PCDH11Y: variants seen among roughly 807,000 people sequenced by gnomAD.
The protein encoded by PCDH11Y is protocadherin-11 Y-linked.
For missense variants in PCDH11Y, 12 were observed against 224.8 expected, an observed-to-expected ratio of 0.05 and a Z score of 6.05; for synonymous variants, 9 against 83.6, an observed-to-expected ratio of 0.11 and a Z score of 4.87.
At chrY:5,160,050 T>TATAAA (rs2052873276) in intron 2 of PCDH11Y, among the ~76,000 whole-genome samples, 1 of 25,402 alleles carries the variant, frequency 3.9e-5, no homozygotes, top group Non-Finnish European at 8.9e-5. Flanking sequence ...TATAATATAA[T>TATAAA]ATAATATAAT....
intron 2 of PCDH11Y, among the ~76,000 whole-genome samples, chrY:5,286,246 C>T: frequency 3.1e-5 from 1 of 32,449 alleles, no homozygotes; most frequent in African/African-American, 1.2e-4. Context: ...TTTTTGATGC[C>T]AGTACCATGA....
intron 1 of PCDH11Y, among the ~76,000 whole-genome samples, chrY:5,073,882 T>A (rs2124631086): frequency 3.2e-5 from 1 of 31,683 alleles, no homozygotes; most frequent in South Asian, 7.1e-4. Flanking sequence ...TGCACAAATG[T>A]TATTAGTTTC....
intron 3 of PCDH11Y, among the ~76,000 whole-genome samples, chrY:5,529,071 T>C: frequency 3.0e-5 from 1 of 33,466 alleles, no homozygotes; most frequent in East Asian, 7.7e-4. Flanking sequence ...TCTTTGAAGA[T>C]TTATATTATT....
intron 4 of PCDH11Y, among the ~76,000 whole-genome samples, chrY:5,694,997 G>A (rs1416610921): frequency 0.071 from 2,180 of 30,851 alleles, no homozygotes; most frequent in Non-Finnish European, 0.11. Flanking sequence ...ACATATTGAA[G>A]CTTGTGACTC....
chrY:5,509,631 A>G, intron 3 of PCDH11Y, among the ~76,000 whole-genome samples: 1 of 23,314 alleles, frequency 4.3e-5, no homozygotes, highest in South Asian at 1.1e-3. Flanking sequence ...CTCTTCCTCT[A>G]TATGAAATTC....
At chrY:5,244,174 G>A (rs2052992553) in intron 2 of PCDH11Y, among the ~76,000 whole-genome samples, 1 of 33,506 alleles carries the variant, frequency 3.0e-5, no homozygotes, top group East Asian at 8.1e-4. Flanking sequence ...ATAACTTTCA[G>A]GTAAATAATG....
At chrY:5,253,575 T>G (rs2053006537) in intron 2 of PCDH11Y, among the ~76,000 whole-genome samples, 1 of 31,102 alleles carries the variant, frequency 3.2e-5, no homozygotes, top group Non-Finnish European at 7.8e-5. Flanking sequence ...TCTTGTCTTT[T>G]TGTTGGGCCA....
chrY:5,237,625 C>A (rs13304580), intron 2 of PCDH11Y, among the ~76,000 whole-genome samples: 1 of 32,101 alleles, frequency 3.1e-5, no homozygotes, highest in African/African-American at 1.2e-4. Flanking sequence ...AAAGAGGAAG[C>A]CAAATTGTCC....
intron 2 of PCDH11Y, among the ~76,000 whole-genome samples, chrY:5,440,737 CTA>C (rs1270510256): frequency 2.7e-3 from 26 of 9,559 alleles, no homozygotes; most frequent in Non-Finnish European, 3.3e-3. Flanking sequence ...TTTTAATAAA[CTA>C]TATATATATA....
At chrY:5,311,935 C>T in intron 2 of PCDH11Y, among the ~76,000 whole-genome samples, 3 of 28,450 alleles carry the variant, frequency 1.1e-4, no homozygotes, top group Non-Finnish European at 2.5e-4. Flanking sequence ...CTAAGGTGAT[C>T]GTGCCTTGGC....
intron 2 of PCDH11Y, among the ~76,000 whole-genome samples, chrY:5,123,735 C>T (rs2052821802): frequency 3.1e-5 from 1 of 32,652 alleles, no homozygotes; most frequent in Non-Finnish European, 7.5e-5. Flanking sequence ...TAATATTAGA[C>T]ATTTTACTCT....
chrY:5,004,715 C>T, intron 1 of PCDH11Y, among the ~76,000 whole-genome samples: 1 of 33,906 alleles, frequency 2.9e-5, no homozygotes, highest in African/African-American at 1.2e-4. Flanking sequence ...AAGAATCTTG[C>T]TTCACATAAT....
exon 1 of PCDH11Y, chrY:5,056,292 C>T: frequency 2.5e-5 from 2 of 78,918 alleles, no homozygotes; most frequent in African/African-American, 2.2e-4. Context: ...CATGTTTAGG[C>T]GTTAGTCACA....
intron 4 of PCDH11Y, among the ~76,000 whole-genome samples, chrY:5,622,137 A>T: frequency 3.3e-5 from 1 of 30,058 alleles, no homozygotes; most frequent in Non-Finnish European, 7.9e-5. Context: ...AGAAAGGGAG[A>T]AAATTTCTTA....
At chrY:5,107,109 C>A, downstream of PCDH11Y, among the ~76,000 whole-genome samples, 1 of 32,876 alleles carries the variant, frequency 3.0e-5, no homozygotes, top group Admixed American at 2.8e-4. Context: ...TTTCAGTGAA[C>A]CTTTCCTTCA....
intron 2 of PCDH11Y, among the ~76,000 whole-genome samples, chrY:5,407,776 G>A (rs2124677800): frequency 6.4e-5 from 2 of 31,242 alleles, no homozygotes; most frequent in Admixed American, 2.9e-4. Context: ...ATTAGCTGGC[G>A]TGGTGGCGGG....
intron 3 of PCDH11Y, among the ~76,000 whole-genome samples, chrY:5,033,758 A>T: frequency 3.1e-5 from 1 of 31,752 alleles, no homozygotes; most frequent in African/African-American, 1.2e-4. Context: ...AACTTTTTAC[A>T]TGATTCTTTT....
intron 2 of PCDH11Y, among the ~76,000 whole-genome samples, chrY:5,296,630 C>A: frequency 3.1e-5 from 1 of 32,261 alleles, no homozygotes; most frequent in Non-Finnish European, 7.6e-5. Context: ...GCAGAGGAGC[C>A]TCTCCCTGTG....
chrY:5,447,620 AAAT>A (rs2053288943), intron 2 of PCDH11Y, among the ~76,000 whole-genome samples: 2 of 32,948 alleles, frequency 6.1e-5, no homozygotes, highest in African/African-American at 2.4e-4. Context: ...ATTGCTTTGG[AAAT>A]AATTTTCGCT....
Sources: gnomAD v4.1 joint callset for allele counts (sites outside exome capture counted in the v4.1 genomes callset) on GRCh38, gnomAD v4.1.1 for gene constraint, MANE v1.5 for transcripts, NCBI Gene and HGNC (gene_info 2026-07-23, HGNC 2026-07-21) for gene names.